The following AREL1 variants were observed in gnomAD, a reference collection of about 807,000 sequenced individuals.
The protein encoded by AREL1 is apoptosis-resistant E3 ubiquitin protein ligase 1.
Under a neutral mutation model 99.0 loss-of-function variants are expected in AREL1, and 62 were observed. That is an observed-to-expected ratio of 0.63 (90% confidence interval 0.51 to 0.77). The LOEUF (loss-of-function observed/expected upper bound fraction) is 0.77. AREL1 is among the 30% of genes least tolerant of loss of function. AREL1 has a pLI of 0.00. For synonymous variants in AREL1, 380 were observed against 376.5 expected, an observed-to-expected ratio of 1.01 and a Z score of -0.11; for missense variants, 879 against 1,027.6, an observed-to-expected ratio of 0.86 and a Z score of 1.98.
chr14:74,698,529 C>T (rs193005238), intron 1 of AREL1, among the ~76,000 whole-genome samples: 33 of 152,292 alleles, frequency 2.2e-4, no homozygotes, highest in Admixed American at 1.8e-3. Context: ...TACTGGGCTA[C>T]GTGATAAAAG....
At chr14:74,682,641 G>C (rs2089655712) in intron 5 of AREL1, among the ~76,000 whole-genome samples, 1 of 152,214 alleles carries the variant, frequency 6.6e-6, no homozygotes, top group Non-Finnish European at 1.5e-5. Flanking sequence ...CCCAGTGTTG[G>C]AGGTGGGGCC....
chr14:74,678,319 A>C, intron 5 of AREL1: 1 of 420,996 alleles, frequency 2.4e-6, no homozygotes, highest in Non-Finnish European at 4.6e-6. Flanking sequence ...CAACATAGTG[A>C]GACCCTATTC....
chr14:74,662,752 A>C lies in AREL1; in HGVS notation c.*968T>G. ...CTGCCAGAGAACACCAAGCAGAGAG[A>C]GAATCAGGGATTGCTGGCATACTAT... is the stretch of plus-strand genomic sequence containing the variant. On this transcript the variant is annotated 3_prime_UTR_variant, in exon 20 of 20. Coordinates refer to ENST00000356357, the MANE Select transcript of AREL1 (RefSeq NM_001039479.2). 2.5e-6 allele frequency: 1 copy of C among 397,108 alleles called. No individual in the cohort carries two copies. 24.6% of individuals were successfully genotyped at this position (397,108 alleles called of 1,614,324 possible).
chr14:74,674,681 CT>C (rs749620849), intron 8 of AREL1, among the ~76,000 whole-genome samples: 6 of 152,204 alleles, frequency 3.9e-5, no homozygotes, highest in Admixed American at 2.0e-4. Flanking sequence ...ATACTCAAGT[CT>C]TTCTAAATAT....
At chr14:74,697,570 A>C (rs1324840759) in intron 1 of AREL1, among the ~76,000 whole-genome samples, 1 of 152,190 alleles carries the variant, frequency 6.6e-6, no homozygotes, top group Non-Finnish European at 1.5e-5. Context: ...TACTCTTGAG[A>C]TATTTATACA....
chr14:74,687,714 C>T (rs2089778478), intron 2 of AREL1, among the ~76,000 whole-genome samples: 1 of 152,120 alleles, frequency 6.6e-6, no homozygotes, highest in Admixed American at 6.5e-5. Flanking sequence ...TGTAAGCAGC[C>T]TACAGTAGTG....
At chr14:74,684,968 T>G (rs990830562) in intron 3 of AREL1, among the ~76,000 whole-genome samples, 1 of 152,242 alleles carries the variant, frequency 6.6e-6, no homozygotes, top group Non-Finnish European at 1.5e-5. Context: ...CTATGGCTAC[T>G]TTTGCACTAC....
chr14:74,684,413 C>A, intron 4 of AREL1, 41 bp downstream of exon 4: 1 of 1,591,182 alleles, frequency 6.3e-7, no homozygotes, highest in Non-Finnish European at 8.6e-7. Flanking sequence ...GCAAGTTACT[C>A]AGAAACCCCA....
intron 16 of AREL1, 31 bp from the exon 17 acceptor site, chr14:74,667,408 C>T (rs1274688164): frequency 6.8e-6 from 11 of 1,614,036 alleles, no homozygotes; most frequent in Non-Finnish European, 9.3e-6. Context: ...TAAAGTCATA[C>T]CCACACCATG....
At chr14:74,665,418 G>C (rs982733547) in intron 17 of AREL1, among the ~76,000 whole-genome samples, 4 of 151,800 alleles carry the variant, frequency 2.6e-5, no homozygotes, top group Admixed American at 6.6e-5. Flanking sequence ...AACACCCTAA[G>C]AACTGCTACT....
At chr14:74,680,333 T>C (rs1355772691) in intron 5 of AREL1, among the ~76,000 whole-genome samples, 1 of 152,034 alleles carries the variant, frequency 6.6e-6, no homozygotes, top group Admixed American at 6.6e-5. Context: ...ATTTAAGAAA[T>C]GCAAATTAAA....
chr14:74,690,658 C>A (rs1326012545), intron 2 of AREL1, among the ~76,000 whole-genome samples: 1 of 152,190 alleles, frequency 6.6e-6, no homozygotes, highest in Non-Finnish European at 1.5e-5. Flanking sequence ...AATTGCAGTA[C>A]AAACAAGTAT....
rs17101879 is a variant in AREL1 at position 74,674,628 on chromosome 14, T to G, written c.1081-517A>C. Among the ~76,000 whole-genome samples the G allele has an allele frequency of 0.03, 4,610 of 152,194 alleles. 635 individuals carry two copies. In the East Asian group the frequency reaches 0.45, roughly 15 times the overall value. On this transcript the variant is annotated intron_variant, in intron 8 of 19. Transcript: ENST00000356357. Reference sequence around the variant, plus strand: ...AAAAATAAAATAAATAAAAAAAATATGACTGACAATGCAGTTTCACACAGA... The same window carrying G: ...AAAAATAAAATAAATAAAAAAAATAGGACTGACAATGCAGTTTCACACAGA...
chr14:74,664,708 C>T, intron 18 of AREL1, 128 bp downstream of exon 18: 2 of 635,786 alleles, frequency 3.1e-6, no homozygotes, highest in South Asian at 1.9e-5. Context: ...ATCCGCCTGC[C>T]TCAGCCTCCC....
intron 1 of AREL1, among the ~76,000 whole-genome samples, chr14:74,701,963 A>G (rs928818883): frequency 1.2e-4 from 18 of 152,214 alleles, no homozygotes; most frequent in African/African-American, 3.6e-4. Flanking sequence ...TCCATGTCTC[A>G]CATCCAGGTC....
chr14:74,689,585 C>G (rs1346745348), intron 2 of AREL1, among the ~76,000 whole-genome samples: 1 of 145,600 alleles, frequency 6.9e-6, no homozygotes, highest in East Asian at 2.0e-4. Flanking sequence ...TATCTTATAG[C>G]ACTTTTCTTT....
intron 1 of AREL1, among the ~76,000 whole-genome samples, chr14:74,712,443 TAC>T (rs1425493616): frequency 1.3e-5 from 2 of 152,188 alleles, no homozygotes; most frequent in African/African-American, 4.8e-5. Context: ...ACCACTGGAA[TAC>T]ATAGCAGGTA....
intron 15 of AREL1, among the ~76,000 whole-genome samples, chr14:74,669,137 C>T (rs1211831483): frequency 6.6e-6 from 1 of 152,198 alleles, no homozygotes; most frequent in Non-Finnish European, 1.5e-5. Flanking sequence ...TCAAGCCATC[C>T]TCCTGCCTCA....
At chr14:74,702,888 C>G (rs912242365) in intron 1 of AREL1, among the ~76,000 whole-genome samples, 4 of 152,160 alleles carry the variant, frequency 2.6e-5, no homozygotes, top group Admixed American at 2.0e-4. Flanking sequence ...CAGTTCCCAA[C>G]AAATTCCTCA....
Sources: allele counts gnomAD v4.1 joint callset (sites outside exome capture counted in the v4.1 genomes callset), GRCh38; gene constraint gnomAD v4.1.1; transcripts MANE v1.5; gene names NCBI Gene and HGNC (gene_info 2026-07-23, HGNC 2026-07-21).